Variants in ERMARD observed in about 807,000 individuals in gnomAD.
The protein encoded by ERMARD is ER membrane associated RNA degradation.
In ERMARD, 71 loss-of-function variants were observed where a neutral mutation model predicts 83.9. The observed-to-expected ratio is 0.85, with a 90% confidence interval of 0.70 to 1.03. The LOEUF (loss-of-function observed/expected upper bound fraction) is 1.03. ERMARD is among the 50% of genes least tolerant of loss of function. The pLI is 0.00. For missense variants in ERMARD, 838 were observed against 810.9 expected, an observed-to-expected ratio of 1.03 and a Z score of -0.41; for synonymous variants, 284 against 298.6, an observed-to-expected ratio of 0.95 and a Z score of 0.50.
chr6:169,779,756 G>T (rs563187243), intron 17 of ERMARD, among the ~76,000 whole-genome samples: 5 of 152,296 alleles, frequency 3.3e-5, no homozygotes, highest in African/African-American at 1.2e-4. Flanking sequence ...AGGTGTAAAA[G>T]CCACTGTGCC....
chr6:169,756,223 GAAAAT>G, intron 3 of ERMARD, 110 bp from the exon 4 acceptor site: 1 of 515,032 alleles, frequency 1.9e-6, no homozygotes, highest in Non-Finnish European at 3.3e-6. Flanking sequence ...CTTATTCACT[GAAAAT>G]AAAATATGGC....
In ERMARD at chr6:169,781,495, A is replaced by T; in HGVS notation, c.2019A>T (p.Thr673=). Residue 673 remains threonine, a synonymous_variant, in exon 18 of 18, where the codon ACA becomes ACT. Transcript: ENST00000366773. ...TAATACATTTAGCCAAGAAATCCAC[A>T]AGTAAAGTACTCTTATGAAAACTTG... ...QMLIHLAKKS[T]SKVLL is the part of the protein sequence containing the mutation. 1.2e-6 allele frequency: 2 copies of T among 1,602,078 alleles called. No individual in the cohort carries two copies. Among genetic ancestry groups the T allele is most frequent in the Non-Finnish European group, 1.7e-6 (2 of 1,175,094 alleles).
intron 9 of ERMARD, among the ~76,000 whole-genome samples, chr6:169,765,914 T>TCCCCAAAAGCCTTTTGAGATAG (rs1562333208): frequency 6.3e-4 from 65 of 102,930 alleles, no homozygotes; most frequent in Middle Eastern, 5.1e-3. Flanking sequence ...CTCACTGAAG[T>TCCCCAAAAGCCTTTTGAGATAG]GATTTCGTCA....
At position 169,766,065 on chromosome 6, in the gene ERMARD, A is replaced by G. The variant is rs1044402164; in HGVS notation, c.961-573A>G. On this transcript the variant is annotated intron_variant, in intron 9 of 17. Transcript: ENST00000366773. ...TGTCAAATCTCACTGAAGTCCCCAA[A>G]AGCCTTTTGAGATAGGCATTCTTAA... Among the ~76,000 whole-genome samples the G allele has an allele frequency of 2.6e-5, 4 of 151,944 alleles. 1 individual carries two copies. Among genetic ancestry groups the G allele is most frequent in the Admixed American group, 2.6e-4 (4 of 15,270 alleles).
At position 169,769,618 on chromosome 6, in the gene ERMARD, C is replaced by T. The variant is rs1160835565; in HGVS notation, c.1138C>T (p.His380Tyr). Residue 380 changes from histidine (H) to tyrosine (Y), a missense_variant, in exon 12 of 18, where the codon CAT (histidine) becomes TAT (tyrosine). His to Tyr is a moderately conservative substitution (Grantham distance 83). Coordinates refer to ENST00000366773, the MANE Select transcript of ERMARD (RefSeq NM_018341.3). ...TTTAAGCCACGGGGAGATCAACTTA[C>T]ATGAATTTTCAAAAGAAACAACTAA... ...DHLSHGEINL[H>Y]EFSKETTNQL... is the part of the protein sequence containing the mutation. 1.9e-6 allele frequency: 3 copies of T among 1,613,336 alleles called. No homozygotes were observed. The highest frequency in any genetic ancestry group is 1.7e-6 in the Non-Finnish European group (2 of 1,179,708).
intron 3 of ERMARD, 101 bp from the exon 4 acceptor site, chr6:169,756,237 G>T (rs1790795327): frequency 1.8e-6 from 1 of 548,254 alleles, no homozygotes; most frequent in Admixed American, 3.6e-5. Flanking sequence ...ATAAAATATG[G>T]CAGTTGAAAT....
At position 169,760,734 on chromosome 6, in the gene ERMARD, C is replaced by T; in HGVS notation, c.835C>T (p.Leu279=). 3.7e-6 allele frequency: 6 copies of T among 1,613,736 alleles called. No homozygotes were observed. Among genetic ancestry groups the T allele is most frequent in the Non-Finnish European group, 5.1e-6 (6 of 1,179,658 alleles). The change falls in exon 8 of 18, where the codon CTG becomes TTG. Residue 279 remains leucine, a synonymous_variant. Coordinates refer to ENST00000366773, the MANE Select transcript of ERMARD (RefSeq NM_018341.3). The part of the protein sequence containing the change: ...KIMLPYWEVA[L]VKFKSHRFAD... ...CATGTTACCATATTGGGAAGTTGCACTGGTCAAGTTCAAGTCACACAGGTA... is the reference window on the plus strand; with the variant it reads ...CATGTTACCATATTGGGAAGTTGCATTGGTCAAGTTCAAGTCACACAGGTA...
rs746982395 is a variant in ERMARD at position 169,754,056 on chromosome 6, A to G, written c.175+24A>G. The G allele has an allele frequency of 1.8e-5, 29 of 1,574,708 alleles. No individual in the cohort carries two copies. In the South Asian group the frequency reaches 1.9e-4, roughly 10 times the overall value. Reference sequence around the variant, plus strand: ...AGGTTTGTGCTGTCTTTGTACTCCAAACTTTCATAACTGTCCCATTGAAAA... The same window carrying G: ...AGGTTTGTGCTGTCTTTGTACTCCAGACTTTCATAACTGTCCCATTGAAAA... On this transcript the variant is annotated intron_variant, in intron 2 of 17. Transcript: ENST00000366773.
chr6:169,751,542 T>G, upstream of ERMARD: 1 of 1,610,336 alleles, frequency 6.2e-7, no homozygotes, highest in Middle Eastern at 1.7e-4. Flanking sequence ...AGGGCGGAAG[T>G]CTCCCACCTG....
At position 169,781,341 on chromosome 6, in the gene ERMARD, C is replaced by A; in HGVS notation, c.1865C>A (p.Ser622Ter). The stretch of plus-strand genomic sequence containing the variant: ...TTTTTTTTTTACAGGTTTGTAAAGT[C>A]GATCTTGCAGTACACGGAGAACCTG... ...EYQQYLKFVK[S>*]ILQYTENLVA... is the part of the protein sequence containing the mutation. Residue 622 changes from serine (S) to a stop codon, truncating the protein, a stop_gained, in exon 18 of 18, where the codon TCG (serine) becomes TAG (stop). Coordinates refer to ENST00000366773, the MANE Select transcript of ERMARD (RefSeq NM_018341.3). LOFTEE classifies it low-confidence loss of function (END_TRUNC). The A allele has an allele frequency of 6.3e-7, 1 of 1,597,708 alleles. No homozygotes were observed. Among genetic ancestry groups the A allele is most frequent in the South Asian group, 1.2e-5 (1 of 85,518 alleles).
rs1793558821 is a variant in ERMARD at position 169,776,073 on chromosome 6, C to G, written c.1520+8C>G. On this transcript the variant is annotated splice_region_variant and intron_variant, in intron 15 of 17. Coordinates refer to ENST00000366773, the MANE Select transcript of ERMARD (RefSeq NM_018341.3). ...TCGTCTTCCTACTGAGACGTAAGTTCCAGGACATCCTGACAACTGTTGAAA... is the reference window on the plus strand; with the variant it reads ...TCGTCTTCCTACTGAGACGTAAGTTGCAGGACATCCTGACAACTGTTGAAA... The G allele has an allele frequency of 1.2e-6, 2 of 1,611,504 alleles. No homozygotes were observed. Among genetic ancestry groups the G allele is most frequent in the Non-Finnish European group, 1.7e-6 (2 of 1,179,194 alleles).
At chr6:169,766,751 G>T in intron 10 of ERMARD, 84 bp downstream of exon 10, 1 of 1,379,268 alleles carries the variant, frequency 7.3e-7, no homozygotes, top group Non-Finnish European at 9.7e-7. Context: ...CAAAATTAAA[G>T]ATCAGCCATA....
intron 1 of ERMARD, among the ~76,000 whole-genome samples, chr6:169,752,302 C>T (rs1205255099): frequency 6.6e-6 from 1 of 152,196 alleles, no homozygotes; most frequent in Non-Finnish European, 1.5e-5. Flanking sequence ...TGTAGCCCTA[C>T]CAGGTGCAGC....
intron 11 of ERMARD, among the ~76,000 whole-genome samples, chr6:169,769,339 T>C (rs1792604899): frequency 1.3e-5 from 2 of 152,196 alleles, no homozygotes; most frequent in Admixed American, 1.3e-4. Flanking sequence ...CAGTACCACC[T>C]GGGCAGCTCT....
chr6:169,781,170 C>T (rs369157996), intron 17 of ERMARD, among the ~76,000 whole-genome samples, 160 bp from the exon 18 acceptor site: 15 of 152,140 alleles, frequency 9.9e-5, no homozygotes, highest in Non-Finnish European at 1.8e-4. Flanking sequence ...AATTTGTATT[C>T]TCTTATTTTT....
In ERMARD at chr6:169,766,642, C is replaced by T. The variant is rs1452345539; in HGVS notation, c.965C>T (p.Thr322Ile). The T allele has an allele frequency of 4.4e-6, 7 of 1,581,508 alleles. No homozygotes were observed. Among genetic ancestry groups the T allele is most frequent in the Non-Finnish European group, 5.1e-6 (6 of 1,170,822 alleles). The part of the protein sequence containing the change: ...CPKRLLTAES[T>I]ALYTTFDQIL... ...CATTTCTTTCCTTTTCTGAAGTCAA[C>T]AGCTCTTTATACCACCTTTGATCAA... Residue 322 changes from threonine to isoleucine, a missense_variant, in exon 10 of 18, where the codon ACA becomes ATA. Coordinates refer to ENST00000366773, the MANE Select transcript of ERMARD (RefSeq NM_018341.3).
At position 169,751,625 on chromosome 6, in the gene ERMARD, A is replaced by T; in HGVS notation, c.-33A>T. 6.3e-7 allele frequency: 1 copy of T among 1,576,686 alleles called. No individual in the cohort carries two copies. Among genetic ancestry groups the T allele is most frequent in the Non-Finnish European group, 8.6e-7 (1 of 1,160,902 alleles). ...GGAGGGGCGCGCAGGCGCCTGCGTC[A>T]TTCACGCGCGCCGCAGCGGGGCACC... On this transcript the variant is annotated 5_prime_UTR_variant, in exon 1 of 18. Coordinates refer to ENST00000366773, the MANE Select transcript of ERMARD (RefSeq NM_018341.3).
intron 9 of ERMARD, among the ~76,000 whole-genome samples, chr6:169,763,417 G>A (rs902053387): frequency 5.9e-5 from 9 of 152,234 alleles, no homozygotes; most frequent in Admixed American, 3.3e-4. Flanking sequence ...CAGCCAGCAG[G>A]AAGAGCAAAG....
intron 12 of ERMARD, chr6:169,770,693 C>T (rs1052542188): frequency 1.3e-5 from 2 of 152,106 alleles, no homozygotes; most frequent in Admixed American, 6.6e-5. Context: ...AGTCATGGCT[C>T]ATGGCAGCCT....
Sources: allele counts gnomAD v4.1 joint callset (sites outside exome capture counted in the v4.1 genomes callset), GRCh38; gene constraint gnomAD v4.1.1; transcripts MANE v1.5; gene names NCBI Gene and HGNC (gene_info 2026-07-23, HGNC 2026-07-21).